The following CXADR variants were observed in gnomAD, a reference collection of about 807,000 sequenced individuals.
The protein encoded by CXADR is CXADR cell adhesion molecule.
A neutral mutation model predicts 40.3 loss-of-function variants in CXADR; 20 were observed. The observed-to-expected ratio is 0.50, with a 90% CI of 0.35 to 0.72. The LOEUF (loss-of-function observed/expected upper bound fraction) is 0.72, where lower values mean the gene tolerates loss of function less well. CXADR is among the 30% of genes least tolerant of loss of function. The pLI is 0.01. For synonymous variants in CXADR, 150 were observed against 161.3 expected (o/e 0.93, Z 0.53); for missense variants, 332 against 449.1 (o/e 0.74, Z 2.36).
the CXADR span, among the ~76,000 whole-genome samples, chr21:17,602,645 G>C: frequency 6.6e-6 from 1 of 152,156 alleles, no homozygotes; most frequent in South Asian, 2.1e-4. Context: ...AATCACATCA[G>C]AGCCAATTTT....
chr21:17,563,109 C>T (rs2061146836), intron 6 of CXADR, among the ~76,000 whole-genome samples: 1 of 152,148 alleles, frequency 6.6e-6, no homozygotes, highest in South Asian at 2.1e-4. Context: ...GTGCAAGATA[C>T]TAGCTTTCAA....
At chr21:17,577,151 C>CAA (rs540355238) in intron 7 of CXADR, among the ~76,000 whole-genome samples, 11 of 137,900 alleles carry the variant, frequency 8.0e-5, no homozygotes, top group African/African-American at 2.4e-4. Flanking sequence ...GACCCTGTCT[C>CAA]AAAAAAAAAA....
the CXADR span, among the ~76,000 whole-genome samples, chr21:17,604,454 A>G: frequency 6.6e-6 from 1 of 152,188 alleles, no homozygotes; most frequent in African/African-American, 2.4e-5. Flanking sequence ...CCAAAAAAAA[A>G]GAGGAGAGAG....
rs139599382 is a variant in CXADR, at chr21:17,577,992, T to C, written c.1017+12381T>C. Among the ~76,000 whole-genome samples the C allele has an allele frequency of 3.9e-3, 591 of 152,192 alleles. 4 individuals are homozygous for C. Among genetic ancestry groups the C allele is most frequent in the African/African-American group, 0.014 (568 of 41,524 alleles). ...ACTTTTTTTTTAAGGCTGAGTGATA[T>C]TCCATAGTATTTAGATACCATTTTC... On this transcript the variant is annotated intron_variant, in intron 7 of 7. Transcript: ENST00000400169.
chr21:17,570,102 C>T (rs1442568651), downstream of CXADR: 1 of 985,394 alleles, frequency 1.0e-6, no homozygotes, highest in Non-Finnish European at 1.2e-6. Context: ...GAAAGCAGTT[C>T]TCTGCCTCAT....
At position 17,551,789 on chromosome 21, in the gene CXADR, A is replaced by C. The variant is rs773323660; in HGVS notation, c.251A>C (p.Tyr84Ser). ...YSGDKIYDDYYPDLKGRVHFT... is the reference protein window; with the variant it reads ...YSGDKIYDDYSPDLKGRVHFT... ...GGAGACAAAATTTATGATGACTACT[A>C]TCCAGATCTGAAAGGCCGAGTACAT... is the stretch of plus-strand genomic sequence containing the variant. The change falls in exon 3 of 7, where the codon TAT (tyrosine) becomes TCT (serine). Residue 84 changes from tyrosine to serine, a missense_variant. Physicochemically the swap from Tyr to Ser is moderately radical, Grantham distance 144. Coordinates refer to ENST00000284878, the MANE Select transcript of CXADR (RefSeq NM_001338.5). The C allele has an allele frequency of 6.2e-7, 1 of 1,613,730 alleles. No individual in the cohort carries two copies.
At chr21:17,570,109 T>C (rs1209090960), downstream of CXADR, 2 of 985,268 alleles carry the variant, frequency 2.0e-6, no homozygotes, top group South Asian at 4.7e-5. Context: ...GTTCTCTGCC[T>C]CATGGTGTGG....
chr21:17,635,349 G>C, the CXADR span, among the ~76,000 whole-genome samples: 4 of 152,104 alleles, frequency 2.6e-5, no homozygotes. Flanking sequence ...TCAAATATTT[G>C]TAAAATATCT....
chr21:17,581,038 A>G (rs890554943), intron 7 of CXADR, among the ~76,000 whole-genome samples: 1 of 152,226 alleles, frequency 6.6e-6, no homozygotes, highest in African/African-American at 2.4e-5. Context: ...GGCATGAACC[A>G]TCTTGCTAGG....
At chr21:17,632,030 C>T in the CXADR span, among the ~76,000 whole-genome samples, 2 of 152,078 alleles carry the variant, frequency 1.3e-5, no homozygotes, top group Admixed American at 1.3e-4. Context: ...AGGCTAGTCT[C>T]GAACTCCAGG....
chr21:17,610,752 A>G, the CXADR span, among the ~76,000 whole-genome samples: 3 of 152,232 alleles, frequency 2.0e-5, no homozygotes, highest in African/African-American at 7.2e-5. Flanking sequence ...AGCCTCTGCT[A>G]TGTTTAGCAT....
chr21:17,534,675 T>C (rs2060730378), intron 1 of CXADR, among the ~76,000 whole-genome samples: 1 of 152,178 alleles, frequency 6.6e-6, no homozygotes, highest in Non-Finnish European at 1.5e-5. Flanking sequence ...TGTAATTAAA[T>C]GCACAAAATT....
intron 1 of CXADR, among the ~76,000 whole-genome samples, chr21:17,537,435 C>T (rs1300951845): frequency 6.6e-6 from 1 of 152,178 alleles, no homozygotes; most frequent in Non-Finnish European, 1.5e-5. Flanking sequence ...TCCAGACTTG[C>T]CTGATTGCTG....
In CXADR at chr21:17,513,063, C is replaced by T. The variant is rs2060410193; in HGVS notation, c.-67C>T. On this transcript the variant is annotated 5_prime_UTR_variant, in exon 1 of 7. Transcript: ENST00000284878. ...GAGCCAGTCGGGAGCGCGCGAGGCG[C>T]GGGGAGCCTGGGACCAGGAGCGAGA... The T allele has an allele frequency of 7.7e-7, 1 of 1,304,068 alleles. No individual in the cohort carries two copies. Among genetic ancestry groups the T allele is most frequent in the South Asian group, 2.3e-5 (1 of 43,396 alleles). 80.8% of individuals were successfully genotyped at this position (1,304,068 alleles called of 1,614,324 possible).
rs778992350 is a variant in CXADR at position 17,569,777 on chromosome 21, A to G, written c.*4085A>G. On this transcript the variant is annotated 3_prime_UTR_variant, in exon 7 of 7. Transcript: ENST00000284878. ...GGTCATCGAGACTAAAAGCTCCATC[A>G]AAACAGAACTTTGTGTTTTCTGCTA... 7.4e-5 allele frequency: 73 copies of G among 985,098 alleles called. No individual in the cohort carries two copies. The highest frequency in any genetic ancestry group is 1.2e-4 in the African/African-American group (7 of 57,228). 61.0% of individuals were successfully genotyped at this position (985,098 alleles called of 1,614,324 possible).
At chr21:17,595,166 TA>T, downstream of CXADR, among the ~76,000 whole-genome samples, 1 of 152,044 alleles carries the variant, frequency 6.6e-6, no homozygotes, top group Non-Finnish European at 1.5e-5. Context: ...GATTATCCCA[TA>T]AATCAGGTGG....
chr21:17,615,373 C>G, the CXADR span, among the ~76,000 whole-genome samples: 1 of 152,142 alleles, frequency 6.6e-6, no homozygotes, highest in East Asian at 1.9e-4. Flanking sequence ...AGGAGCAGAG[C>G]TGATGTAAAT....
At chr21:17,611,568 G>GA in the CXADR span, 4 of 152,232 alleles carry the variant, frequency 2.6e-5, no homozygotes, top group African/African-American at 9.7e-5. Flanking sequence ...GTGAAAGAGG[G>GA]AGAGTTACAG....
intron 1 of CXADR, chr21:17,530,552 G>A (rs1041067651): frequency 4.0e-5 from 14 of 353,994 alleles, no homozygotes; most frequent in African/African-American, 1.7e-4. Context: ...GGTGGCTCAC[G>A]CCTGTAATCC....
Sources: gnomAD v4.1 joint callset for allele counts (sites outside exome capture counted in the v4.1 genomes callset) on GRCh38, gnomAD v4.1.1 for gene constraint, MANE v1.5 for transcripts, NCBI Gene and HGNC (gene_info 2026-07-23, HGNC 2026-07-21) for gene names.